The following SPAG16 variants were observed in gnomAD, a reference collection of about 807,000 sequenced individuals.
SPAG16 encodes sperm associated antigen 16, also known as sperm-associated antigen 16 protein.
Under a neutral mutation model 80.4 loss-of-function variants are expected in SPAG16, and 86 were observed. That is an observed-to-expected ratio of 1.07 (90% CI 0.90 to 1.28). The LOEUF is 1.28. Ranked by LOEUF, SPAG16 falls within the 50% of genes most tolerant of loss-of-function variation. SPAG16 has a pLI of 0.00. For synonymous variants in SPAG16, 294 were observed against 265.9 expected (o/e 1.11, Z -1.03); for missense variants, 870 against 765.3 (o/e 1.14, Z -1.61).
intron 9 of SPAG16, among the ~76,000 whole-genome samples, chr2:213,430,065 A>G (rs975689480): frequency 8.5e-5 from 13 of 152,216 alleles, no homozygotes; most frequent in African/African-American, 2.9e-4. Context: ...GTTGCAAGAG[A>G]AATCTGAAAA....
chr2:213,844,271 C>G, intron 10 of SPAG16, among the ~76,000 whole-genome samples: 1 of 152,130 alleles, frequency 6.6e-6, no homozygotes, highest in African/African-American at 2.4e-5. Context: ...AGTTTTATCT[C>G]AGCCTAATTA....
intron 14 of SPAG16, among the ~76,000 whole-genome samples, chr2:214,141,896 C>T (rs757285298): frequency 2.6e-5 from 4 of 152,086 alleles, no homozygotes; most frequent in East Asian, 1.9e-4. Context: ...ATTTGGAGCG[C>T]AATTTTAGTC....
chr2:213,989,620 A>T (rs1252721802), intron 12 of SPAG16, among the ~76,000 whole-genome samples: 1 of 152,154 alleles, frequency 6.6e-6, no homozygotes, highest in African/African-American at 2.4e-5. Flanking sequence ...TATTTACGTA[A>T]GATATGACTT....
intron 9 of SPAG16, among the ~76,000 whole-genome samples, chr2:213,416,201 A>G (rs1426464307): frequency 6.6e-6 from 1 of 152,230 alleles, no homozygotes; most frequent in Non-Finnish European, 1.5e-5. Context: ...GAGTCTGAAT[A>G]GATCATACTT....
chr2:214,362,291 G>C (rs1230715734), intron 15 of SPAG16, among the ~76,000 whole-genome samples: 1 of 151,858 alleles, frequency 6.6e-6, no homozygotes, highest in African/African-American at 2.4e-5. Flanking sequence ...ACATCAGAAT[G>C]TGGCTGTACA....
At chr2:213,514,781 T>C (rs1222481859) in intron 10 of SPAG16, among the ~76,000 whole-genome samples, 1 of 152,138 alleles carries the variant, frequency 6.6e-6, no homozygotes, top group Non-Finnish European at 1.5e-5. Flanking sequence ...CTAGTGAAGA[T>C]ACAAATCTAT....
At chr2:213,468,601 A>G (rs1433251376) in intron 9 of SPAG16, among the ~76,000 whole-genome samples, 1 of 145,620 alleles carries the variant, frequency 6.9e-6, no homozygotes, top group Non-Finnish European at 1.5e-5. Flanking sequence ...AGATATATAT[A>G]TCTATGTATT....
chr2:214,201,346 T>A (rs2058004682), intron 15 of SPAG16, among the ~76,000 whole-genome samples: 1 of 152,214 alleles, frequency 6.6e-6, no homozygotes, highest in Admixed American at 6.6e-5. Context: ...GAAATTAAGA[T>A]ATATCCCATT....
rs550171859 is a variant in SPAG16, at chr2:213,623,902, A to G, written c.1070+133812A>G. On this transcript the variant is annotated intron_variant, in intron 10 of 15. Coordinates refer to ENST00000331683, the MANE Select transcript of SPAG16 (RefSeq NM_024532.5). Reference sequence around the variant, plus strand: ...GGTGAATTTTAGACATTATCAATTTATCTATTAGAAAATTATATGATGCTA... The same window carrying G: ...GGTGAATTTTAGACATTATCAATTTGTCTATTAGAAAATTATATGATGCTA... 3.9e-5 allele frequency among the ~76,000 whole-genome samples: 6 copies of G among 152,222 alleles called. No individual in the cohort carries two copies. In the East Asian group the frequency reaches 9.6e-4, roughly 24 times the overall value.
chr2:213,362,832 G>A (rs1047850959), intron 7 of SPAG16, among the ~76,000 whole-genome samples: 1 of 152,176 alleles, frequency 6.6e-6, no homozygotes, highest in African/African-American at 2.4e-5. Context: ...GCATGGTTCT[G>A]CAGGCTGTAG....
At chr2:214,278,527 T>G (rs2125908984) in intron 15 of SPAG16, among the ~76,000 whole-genome samples, 1 of 152,324 alleles carries the variant, frequency 6.6e-6, no homozygotes, top group Admixed American at 6.5e-5. Flanking sequence ...TATCATACAG[T>G]GGTATATTTG....
intron 10 of SPAG16, among the ~76,000 whole-genome samples, chr2:213,645,364 A>G (rs1480092439): frequency 3.3e-5 from 5 of 151,876 alleles, no homozygotes; most frequent in South Asian, 2.1e-4. Flanking sequence ...CTGTGCTGGT[A>G]CCTGAGGCCA....
intron 10 of SPAG16, among the ~76,000 whole-genome samples, chr2:213,574,688 TATATATGATATATG>T (rs200541515): frequency 6.7e-6 from 1 of 148,278 alleles, no homozygotes; most frequent in Non-Finnish European, 1.5e-5. Context: ...ATATATGATA[TATATATGATATATG>T]ATATATGATA....
intron 9 of SPAG16, among the ~76,000 whole-genome samples, chr2:213,477,099 A>G (rs757340136): frequency 6.6e-6 from 1 of 152,142 alleles, no homozygotes; most frequent in Non-Finnish European, 1.5e-5. Context: ...TTGATGGGTT[A>G]AAAGGCATCA....
At chr2:214,288,472 G>A (rs1310547238) in intron 15 of SPAG16, among the ~76,000 whole-genome samples, 1 of 151,996 alleles carries the variant, frequency 6.6e-6, no homozygotes, top group East Asian at 1.9e-4. Context: ...TCTTATGGTA[G>A]TATTATTTTT....
At chr2:214,252,042 C>G (rs1690328684) in intron 15 of SPAG16, among the ~76,000 whole-genome samples, 1 of 152,026 alleles carries the variant, frequency 6.6e-6, no homozygotes, top group Admixed American at 6.6e-5. Context: ...TGTCCACTCT[C>G]TAAGTAAAAT....
chr2:213,784,841 T>A (rs2070236479), intron 10 of SPAG16, among the ~76,000 whole-genome samples: 1 of 152,070 alleles, frequency 6.6e-6, no homozygotes, highest in Non-Finnish European at 1.5e-5. Flanking sequence ...TATGCTCCCT[T>A]GAGATTTTTT....
intron 15 of SPAG16, among the ~76,000 whole-genome samples, chr2:214,234,678 T>G (rs112495383): frequency 6.6e-6 from 1 of 152,162 alleles, no homozygotes; most frequent in Non-Finnish European, 1.5e-5. Context: ...GTTGGATGCA[T>G]GTATGCCTTC....
intron 10 of SPAG16, among the ~76,000 whole-genome samples, chr2:213,625,281 A>G (rs1463441688): frequency 6.6e-6 from 1 of 152,136 alleles, no homozygotes. Context: ...GAAACTTACA[A>G]TCATGGCAGA....
Sources: gnomAD v4.1 joint callset for allele counts (sites outside exome capture counted in the v4.1 genomes callset) on GRCh38, gnomAD v4.1.1 for gene constraint, MANE v1.5 for transcripts, NCBI Gene and HGNC (gene_info 2026-07-23, HGNC 2026-07-21) for gene names.